Variants in NMRK2 observed in about 807,000 individuals in gnomAD.
NMRK2 encodes the protein nicotinamide riboside kinase 2.
In NMRK2, 34 loss-of-function variants were observed where a neutral mutation model predicts 24.7. That is an observed-to-expected ratio of 1.37 (90% confidence interval 1.05 to 1.83). The LOEUF (loss-of-function observed/expected upper bound fraction) is 1.83, where lower values mean the gene tolerates loss of function less well. Ranked by LOEUF, NMRK2 falls within the 40% of genes most tolerant of loss-of-function variation. The probability of loss-of-function intolerance (pLI) is 0.00; values close to 1 mark genes in which losing one functional copy is unlikely to be tolerated. For synonymous variants in NMRK2, 145 were observed against 125.6 expected (o/e 1.15, Z -1.03); for missense variants, 341 against 315.0 (o/e 1.08, Z -0.62).
intron 5 of NMRK2, 91 bp downstream of exon 5, chr19:3,938,850 T>TG (rs1568180908): frequency 0.096 from 17,682 of 183,682 alleles, 391 homozygotes; most frequent in Middle Eastern, 0.1. Context: ...TTTTGTTTTG[T>TG]TTTTTTTTTT....
In NMRK2 at chr19:3,933,706, CG is replaced by C; in HGVS notation, c.26+14del. ...ATCGTGGGCATCGGAGGGTGAGCGC[CG>C]GGGGACCTGGTGGGCGGCCCTGCGG... is the stretch of plus-strand genomic sequence containing the variant. On this transcript the variant is annotated intron_variant, in intron 2 of 7. Transcript: ENST00000168977. The C allele has an allele frequency of 1.4e-6, 2 of 1,435,682 alleles. No individual in the cohort carries two copies. The highest frequency in any genetic ancestry group is 9.1e-7 in the Non-Finnish European group (1 of 1,094,896). 88.9% of individuals were successfully genotyped at this position (1,435,682 alleles called of 1,614,324 possible). A position where few individuals can be genotyped will look rare whatever the true frequency, so the allele number is the denominator to read the frequency against.
chr19:3,934,802 C>G (rs372061726), intron 2 of NMRK2, among the ~76,000 whole-genome samples: 1 of 151,958 alleles, frequency 6.6e-6, no homozygotes, highest in African/African-American at 2.4e-5. Flanking sequence ...AGGCTGGTCT[C>G]GAACTCCTGA....
rs1054031262 is a variant in NMRK2, at chr19:3,936,618, A to G, written c.70A>G (p.Arg24Gly). The G allele has an allele frequency of 3.2e-6, 5 of 1,575,040 alleles. No homozygotes were observed. The highest frequency in any genetic ancestry group is 4.3e-6 in the Non-Finnish European group (5 of 1,160,822). The change falls in exon 3 of 8, where the codon AGA becomes GGA. Residue 24 changes from arginine (R) to glycine (G), a missense_variant. Physicochemically the swap from Arg to Gly is moderately radical, Grantham distance 125. Coordinates refer to ENST00000168977, the MANE Select transcript of NMRK2 (RefSeq NM_170678.3). ...GACCACGCTGACCAACAGCCTGCTC[A>G]GAGCCCTGCCCAACTGCTGCGTGAT... ...GKTTLTNSLL[R>G]ALPNCCVIHQ...
rs2039269060 is a variant in NMRK2 at position 3,938,826 on chromosome 19, T to TG, written c.323+67_323+68insG. On this transcript the variant is annotated intron_variant, in intron 5 of 7. Coordinates refer to ENST00000168977, the MANE Select transcript of NMRK2 (RefSeq NM_170678.3). ...GGGCGGGTATAGCCATCTCTTGTTT[T>TG]TTTTTTTTTTTTTTTTTGTTTTGTT... The TG allele has an allele frequency of 7.8e-6, 4 of 515,500 alleles. No homozygotes were observed. In the African/African-American group the frequency reaches 1.9e-4, roughly 24 times the overall value. 31.9% of individuals were successfully genotyped at this position (515,500 alleles called of 1,614,324 possible). A position where few individuals can be genotyped will look rare whatever the true frequency, so the allele number is the denominator to read the frequency against.
rs756765256 is a variant in NMRK2, at chr19:3,937,269, C to T, written c.147C>T (p.Asp49=). The change falls in exon 4 of 8, where the codon GAC becomes GAT. Residue 49 remains aspartate, a synonymous_variant. Coordinates refer to ENST00000168977, the MANE Select transcript of NMRK2 (RefSeq NM_170678.3). ...KPQDQIAVGE[D]GFKQWDVLES... ...AAGACCAAATAGCAGTTGGGGAAGA[C>T]GGCTTCAAACAGTGGGACGGTAAGG... is the stretch of plus-strand genomic sequence containing the variant. The T allele has an allele frequency of 1.2e-5, 19 of 1,613,284 alleles. No homozygotes were observed. The highest frequency in any genetic ancestry group is 3.3e-4 in the Middle Eastern group (2 of 6,058).
chr19:3,939,801 T>C, intron 5 of NMRK2, 99 bp from the exon 6 acceptor site: 1 of 1,065,650 alleles, frequency 9.4e-7, no homozygotes, highest in Non-Finnish European at 1.4e-6. Flanking sequence ...CCCCATGTGC[T>C]CGCCACCCTC....
chr19:3,939,831 G>T, intron 5 of NMRK2, 69 bp from the exon 6 acceptor site: 5 of 1,418,284 alleles, frequency 3.5e-6, no homozygotes, highest in Non-Finnish European at 4.9e-6. Flanking sequence ...AGGCTGGGGG[G>T]TTGGATATTT....
rs781300477 is a variant in NMRK2 at position 3,939,885 on chromosome 19, C to T, written c.324-15C>T. On this transcript the variant is annotated splice_polypyrimidine_tract_variant and intron_variant, in intron 5 of 7. Coordinates refer to ENST00000168977, the MANE Select transcript of NMRK2 (RefSeq NM_170678.3). The stretch of plus-strand genomic sequence containing the variant: ...AGCTCACAGGTGCTGACCGTGTCTC[C>T]CCCACTCCGCCCAGGCCCCTGGTGG... 30 of 1,610,788 alleles carry T rather than the reference C, an allele frequency of 1.9e-5. No individual in the cohort carries two copies. In the Middle Eastern group the frequency reaches 4.9e-4, roughly 26 times the overall value.
At chr19:3,934,025 A>G (rs1381212701) in intron 2 of NMRK2, among the ~76,000 whole-genome samples, 1 of 152,096 alleles carries the variant, frequency 6.6e-6, no homozygotes, top group Non-Finnish European at 1.5e-5. Context: ...AGGCGGGTGG[A>G]TCACCTGAGG....
intron 5 of NMRK2, 80 bp downstream of exon 5, chr19:3,938,839 T>G (rs28622882): frequency 0.11 from 53,986 of 472,736 alleles, 2,460 homozygotes; most frequent in South Asian, 0.24. Flanking sequence ...TTTTTTTTTT[T>G]TTTTGTTTTG....
chr19:3,940,028 G>A lies in NMRK2; in HGVS notation c.395+57G>A, dbSNP rs377251978. The A allele has an allele frequency of 3.8e-5, 57 of 1,493,508 alleles. 1 individual carries two copies. In the African/African-American group the frequency reaches 4.3e-4, roughly 11 times the overall value. 92.5% of individuals were successfully genotyped at this position (1,493,508 alleles called of 1,614,324 possible). A position where few individuals can be genotyped will look rare whatever the true frequency, so the allele number is the denominator to read the frequency against. On this transcript the variant is annotated intron_variant, in intron 6 of 7. Coordinates refer to ENST00000168977, the MANE Select transcript of NMRK2 (RefSeq NM_170678.3). ...CCTGAGGGCCCTGTCTTGAATTACT[G>A]GGTGGAACCAGCGGTAACCTAGAAA...
At position 3,938,831 on chromosome 19, in the gene NMRK2, T is replaced by TTTG. The variant is rs2039270117; in HGVS notation, c.323+74_323+75insGTT. Reference sequence around the variant, plus strand: ...GGTATAGCCATCTCTTGTTTTTTTTTTTTTTTTTTTTTGTTTTGTTTTTTT... The same window carrying TTTG: ...GGTATAGCCATCTCTTGTTTTTTTTTTTGTTTTTTTTTTTTGTTTTGTTTTTTT... On this transcript the variant is annotated intron_variant, in intron 5 of 7. Transcript: ENST00000168977. 5.1e-6 allele frequency: 3 copies of TTTG among 592,736 alleles called. No homozygotes were observed. In the African/African-American group the frequency reaches 1.3e-4, roughly 27 times the overall value. 36.7% of individuals were successfully genotyped at this position (592,736 alleles called of 1,614,324 possible). A position where few individuals can be genotyped will look rare whatever the true frequency, so the allele number is the denominator to read the frequency against.
rs1410005290 is a variant in NMRK2, at chr19:3,939,539, C to T, written c.324-361C>T. Among the ~76,000 whole-genome samples, 3 of 151,968 alleles carry T rather than the reference C, an allele frequency of 2.0e-5. 1 individual carries two copies. The highest frequency in any genetic ancestry group is 4.4e-5 in the Non-Finnish European group (3 of 67,970). ...AAAAAAAAAATTAAAACTAAAAACTCAAGTCTGGGACAAACAGCCACCCTT... is the reference window on the plus strand; with the variant it reads ...AAAAAAAAAATTAAAACTAAAAACTTAAGTCTGGGACAAACAGCCACCCTT... On this transcript the variant is annotated intron_variant, in intron 5 of 7. Coordinates refer to ENST00000168977, the MANE Select transcript of NMRK2 (RefSeq NM_170678.3).
At position 3,933,593 on chromosome 19, in the gene NMRK2, C is replaced by A. The variant is rs1040643105; in HGVS notation, c.-79C>A. ...CCAGGTTTTCTCAATGAAGCCGGGA[C>A]GCACTCCGGAGCGCACTGCGTGGTC... On this transcript the variant is annotated 5_prime_UTR_variant, in exon 2 of 8. Coordinates refer to ENST00000168977, the MANE Select transcript of NMRK2 (RefSeq NM_170678.3). The A allele has an allele frequency of 2.0e-6, 3 of 1,475,976 alleles. No individual in the cohort carries two copies. Among genetic ancestry groups the A allele is most frequent in the Non-Finnish European group, 2.7e-6 (3 of 1,103,486 alleles). 91.4% of individuals were successfully genotyped at this position (1,475,976 alleles called of 1,614,324 possible).
At position 3,933,698 on chromosome 19, in the gene NMRK2, G is replaced by T; in HGVS notation, c.26+1G>T. 1 of 1,451,246 alleles carries T rather than the reference G, an allele frequency of 6.9e-7. No individual in the cohort carries two copies. The highest frequency in any genetic ancestry group is 9.1e-7 in the Non-Finnish European group (1 of 1,101,998). 89.9% of individuals were successfully genotyped at this position (1,451,246 alleles called of 1,614,324 possible). Reference sequence around the variant, plus strand: ...TGAAGCTCATCGTGGGCATCGGAGGGTGAGCGCCGGGGGACCTGGTGGGCG... The same window carrying T: ...TGAAGCTCATCGTGGGCATCGGAGGTTGAGCGCCGGGGGACCTGGTGGGCG... On this transcript the variant is annotated splice_donor_variant, in intron 2 of 7. Transcript: ENST00000168977. LOFTEE classifies it high-confidence loss of function.
At position 3,938,678 on chromosome 19, in the gene NMRK2, G is replaced by A. The variant is rs775886226; in HGVS notation, c.242G>A (p.Arg81His). Residue 81 changes from arginine (R) to histidine (H), a missense_variant, in exon 5 of 8, where the codon CGT becomes CAT. Arg to His is a conservative substitution (Grantham distance 29, BLOSUM62 0). Coordinates refer to ENST00000168977, the MANE Select transcript of NMRK2 (RefSeq NM_170678.3). ...CTGAGCAGCCCGCAGAAGTTTGCCCGTGCCCACGGGGTCAGCGTCCAGCCA... is the reference window on the plus strand; with the variant it reads ...CTGAGCAGCCCGCAGAAGTTTGCCCATGCCCACGGGGTCAGCGTCCAGCCA... ...AWLSSPQKFA[R>H]AHGVSVQPEA... The A allele has an allele frequency of 6.2e-6, 10 of 1,612,586 alleles. No homozygotes were observed. Among genetic ancestry groups the A allele is most frequent in the South Asian group, 1.1e-5 (1 of 90,962 alleles).
chr19:3,941,941 C>T, intron 7 of NMRK2, 142 bp from the exon 8 acceptor site: 1 of 651,282 alleles, frequency 1.5e-6, no homozygotes, highest in Non-Finnish European at 2.7e-6. Context: ...GCGCCCGGCC[C>T]CCTCTTGCTG....
chr19:3,934,862 C>T (rs367820980), intron 2 of NMRK2, among the ~76,000 whole-genome samples: 1 of 151,980 alleles, frequency 6.6e-6, no homozygotes, highest in Admixed American at 6.6e-5. Context: ...GGATTACAGG[C>T]GTGAGCCACC....
Position 3,937,243 on chromosome 19 carries a change from C to T in NMRK2, c.121C>T (p.Gln41Ter). ...GGTTCAGGCTCCTCTGTTTCAGCCC[C>T]AAGACCAAATAGCAGTTGGGGAAGA... ...VIHQDDFFKP[Q>*]DQIAVGEDGF... The change falls in exon 4 of 8, where the codon CAA becomes TAA. Residue 41 changes from glutamine to a stop codon, truncating the protein, a stop_gained. Coordinates refer to ENST00000168977, the MANE Select transcript of NMRK2 (RefSeq NM_170678.3). LOFTEE classifies it high-confidence loss of function. 1.2e-6 allele frequency: 2 copies of T among 1,613,320 alleles called. No homozygotes were observed. The highest frequency in any genetic ancestry group is 1.7e-6 in the Non-Finnish European group (2 of 1,179,544).
Sources: allele counts gnomAD v4.1 joint callset (sites outside exome capture counted in the v4.1 genomes callset), GRCh38; gene constraint gnomAD v4.1.1; transcripts MANE v1.5; gene names NCBI Gene and HGNC (gene_info 2026-07-23, HGNC 2026-07-21).